Variants in DGKZ observed in about 807,000 individuals in gnomAD.
DGKZ encodes the protein diacylglycerol kinase zeta.
In DGKZ, 45 loss-of-function variants were observed where a neutral mutation model predicts 142.5. That is an observed-to-expected ratio of 0.32 (90% CI 0.25 to 0.40). The LOEUF is 0.40. Ranked by LOEUF, DGKZ falls within the 10% of genes least tolerant of loss-of-function variation. The pLI, the probability that DGKZ is intolerant of heterozygous loss-of-function variation, is 1.00. For missense variants in DGKZ, 755 were observed against 1,306.5 expected (o/e 0.58, Z 6.51); for synonymous variants, 442 against 527.0 (o/e 0.84, Z 2.21).
Position 46,347,538 on chromosome 11 carries a change from C to T in DGKZ, c.-122C>T, listed in dbSNP as rs1940785054. The T allele has an allele frequency of 1.0e-6, 1 of 983,508 alleles. No individual in the cohort carries two copies. The highest frequency in any genetic ancestry group is 1.2e-6 in the Non-Finnish European group (1 of 830,012). 60.9% of individuals were successfully genotyped at this position (983,508 alleles called of 1,614,324 possible). On this transcript the variant is annotated 5_prime_UTR_variant, in exon 1 of 31. Coordinates refer to ENST00000527911, the Ensembl canonical transcript of DGKZ. This position sits in a 1 kb window ranked among gnomAD's most constrained non-coding sequence, Gnocchi z 6.4. ...GGGAGCGGGGGCGCGCGGCGCGGGG[C>T]GGGCGGAGCGAGCGCGCGCCATGGA...
At chr11:46,376,462 C>A in intron 23 of DGKZ, 62 bp from the exon 24 acceptor site, 1 of 1,613,650 alleles carries the variant, frequency 6.2e-7, no homozygotes, top group Non-Finnish European at 8.5e-7. Flanking sequence ...CAGGTAGGGG[C>A]AGCAGAGGAC....
At chr11:46,342,088 A>T (rs1391351340) in intron 1 of DGKZ, among the ~76,000 whole-genome samples, 1 of 152,148 alleles carries the variant, frequency 6.6e-6, no homozygotes, top group Non-Finnish European at 1.5e-5. Context: ...AGAAAGTAGA[A>T]CACCAACCTC....
chr11:46,355,576 C>T (rs1041919805), intron 1 of DGKZ, among the ~76,000 whole-genome samples: 1 of 152,148 alleles, frequency 6.6e-6, no homozygotes, highest in African/African-American at 2.4e-5. Flanking sequence ...AGCTTGAGGT[C>T]ATGTAGCTGG....
intron 1 of DGKZ, among the ~76,000 whole-genome samples, chr11:46,360,142 C>T (rs1404159968): frequency 6.6e-6 from 1 of 152,170 alleles, no homozygotes; most frequent in East Asian, 1.9e-4. Flanking sequence ...GAGAATCCAG[C>T]TGCCTTCTAT....
intron 1 of DGKZ, among the ~76,000 whole-genome samples, chr11:46,348,813 G>A (rs1390215402): frequency 2.0e-5 from 3 of 152,178 alleles, no homozygotes; most frequent in African/African-American, 4.8e-5. Context: ...CTTCCTGACC[G>A]AGCCTTGCCC....
intron 1 of DGKZ, among the ~76,000 whole-genome samples, chr11:46,336,654 C>G (rs1174526213): frequency 6.6e-6 from 1 of 152,188 alleles, no homozygotes; most frequent in Non-Finnish European, 1.5e-5. Context: ...TCATGGCTCA[C>G]TGCAGCCTTG....
At chr11:46,363,357 C>T (rs1942890249) in intron 1 of DGKZ, among the ~76,000 whole-genome samples, 1 of 152,212 alleles carries the variant, frequency 6.6e-6, no homozygotes, top group Non-Finnish European at 1.5e-5. Context: ...AGCTCAGCCA[C>T]TCTGACAGCC....
chr11:46,350,453 G>A (rs986683420), intron 1 of DGKZ, among the ~76,000 whole-genome samples: 1 of 152,118 alleles, frequency 6.6e-6, no homozygotes, highest in Non-Finnish European at 1.5e-5. Flanking sequence ...TCTTAACCTA[G>A]CTCTTGCTTC....
Position 46,372,845 on chromosome 11 carries a change from T to G in DGKZ, c.1146T>G (p.Gly382=), listed in dbSNP as rs750284225. 3 of 1,599,064 alleles carry G rather than the reference T, an allele frequency of 1.9e-6. No homozygotes were observed. The South Asian group carries it at 3.4e-5, about 18-fold the overall frequency. Reference sequence around the variant, plus strand: ...CCCCTGTTGCCATCCTGCCCCTGGGTACTGGCAACGACTTGGCCCGAACCC... The same window carrying G: ...CCCCTGTTGCCATCCTGCCCCTGGGGACTGGCAACGACTTGGCCCGAACCC... The change falls in exon 13 of 31, where the codon GGT becomes GGG. Residue 382 remains glycine, a synonymous_variant. Transcript: ENST00000527911. The surrounding 1 kb of genome is among the most constrained non-coding windows in gnomAD (Gnocchi z 5.9).
intron 1 of DGKZ, among the ~76,000 whole-genome samples, chr11:46,341,981 C>A (rs1000258452): frequency 6.6e-6 from 1 of 152,068 alleles, no homozygotes; most frequent in Non-Finnish European, 1.5e-5. Flanking sequence ...GCTGGCTGGG[C>A]GGGTTTTGAC....
At chr11:46,333,681 G>A (rs1052433982) in intron 1 of DGKZ, among the ~76,000 whole-genome samples, 3 of 152,264 alleles carry the variant, frequency 2.0e-5, no homozygotes, top group East Asian at 1.9e-4. Flanking sequence ...TGCCTGAACC[G>A]TGAAAGCCGT....
chr11:46,379,517 C>G lies in DGKZ; in HGVS notation c.2637C>G (p.Ile879Met), dbSNP rs1414984139. 5 of 1,611,876 alleles carry G rather than the reference C, an allele frequency of 3.1e-6. No individual in the cohort carries two copies. In the South Asian group the frequency reaches 5.5e-5, roughly 18 times the overall value. Residue 879 changes from isoleucine (I) to methionine (M), a missense_variant, in exon 30 of 31, where the codon ATC (isoleucine) becomes ATG (methionine). Ile to Met is a conservative substitution (Grantham distance 10). Transcript: ENST00000527911. ...CAGCGGCCCTGGGCCAGCGCACCATCTGCCACTACATCGTGGAGGCCGGGG... is the reference window on the plus strand; with the variant it reads ...CAGCGGCCCTGGGCCAGCGCACCATGTGCCACTACATCGTGGAGGCCGGGG...
upstream of DGKZ, among the ~76,000 whole-genome samples, chr11:46,346,229 G>T (rs376122587): frequency 6.6e-6 from 1 of 152,226 alleles, no homozygotes; most frequent in Non-Finnish European, 1.5e-5. Flanking sequence ...GCTGGAAAAC[G>T]GGCTGCCAGA....
chr11:46,333,602 G>C (rs973150452), intron 1 of DGKZ: 1 of 960,488 alleles, frequency 1.0e-6, no homozygotes, highest in African/African-American at 1.7e-5. Context: ...GGAGTTTAGA[G>C]ATGACTGCCG....
chr11:46,376,692 C>A, intron 24 of DGKZ, 128 bp downstream of exon 24: 1 of 1,284,294 alleles, frequency 7.8e-7, no homozygotes, highest in Non-Finnish European at 1.1e-6. Context: ...AGAGCTTTTA[C>A]TATTGCCTGT....
intron 1 of DGKZ, among the ~76,000 whole-genome samples, chr11:46,336,587 G>T (rs948251580): frequency 6.6e-6 from 1 of 152,052 alleles, no homozygotes; most frequent in South Asian, 2.1e-4. Context: ...TTTTGTTTTT[G>T]TTTTTGAGAT....
At position 46,367,062 on chromosome 11, in the gene DGKZ, G is replaced by A; in HGVS notation, c.162-229G>A. On this transcript the variant is annotated intron_variant, in intron 1 of 30. Coordinates refer to ENST00000527911, the Ensembl canonical transcript of DGKZ. This position sits in a 1 kb window ranked among gnomAD's most constrained non-coding sequence, Gnocchi z 4.1. ...GCCTGGGCATGGGCCTTGAAGCTCTGCCTGGCTGAGGGTTCCCCACTTGGG... is the reference window on the plus strand; with the variant it reads ...GCCTGGGCATGGGCCTTGAAGCTCTACCTGGCTGAGGGTTCCCCACTTGGG... The A allele has an allele frequency of 1.4e-6, 2 of 1,453,878 alleles. No homozygotes were observed. Among genetic ancestry groups the A allele is most frequent in the Non-Finnish European group, 1.8e-6 (2 of 1,097,718 alleles). The allele number at this position is 1,453,878 out of a possible 1,614,324, so 90.1% of individuals were successfully genotyped here. A position where few individuals can be genotyped will look rare whatever the true frequency, so the allele number is the denominator to read the frequency against.
At chr11:46,375,109 A>G in intron 19 of DGKZ, 64 bp downstream of exon 19, 1 of 1,423,590 alleles carries the variant, frequency 7.0e-7, no homozygotes. Flanking sequence ...GGTCACCCAT[A>G]CTCACCTCCA....
chr11:46,343,953 A>ATCT (rs1739721600), upstream of DGKZ, among the ~76,000 whole-genome samples: 1 of 146,358 alleles, frequency 6.8e-6, no homozygotes, highest in Non-Finnish European at 1.5e-5. Context: ...TTTATAGCAC[A>ATCT]TCTTTTTTTT....
Sources: allele counts gnomAD v4.1 joint callset (sites outside exome capture counted in the v4.1 genomes callset), GRCh38; gene constraint gnomAD v4.1.1; non-coding constraint Gnocchi (gnomAD v3.1); transcripts MANE v1.5; gene names NCBI Gene and HGNC (gene_info 2026-07-23, HGNC 2026-07-21).